Variants in FAM107B observed in about 807,000 individuals in gnomAD.
FAM107B encodes protein FAM107B.
In FAM107B, 21 loss-of-function variants were observed where a neutral mutation model predicts 31.5. The observed-to-expected ratio is 0.67, with a 90% CI of 0.47 to 0.96. FAM107B has a LOEUF of 0.96. FAM107B is among the 40% of genes least tolerant of loss of function. The probability of loss-of-function intolerance (pLI) is 0.00; values close to 1 mark genes in which losing one functional copy is unlikely to be tolerated. For synonymous variants in FAM107B, 157 were observed against 141.5 expected (o/e 1.11, Z -0.78); for missense variants, 452 against 377.1 (o/e 1.20, Z -1.64).
chr10:14,765,743 G>C (rs572573602), intron 1 of FAM107B, among the ~76,000 whole-genome samples: 1 of 152,242 alleles, frequency 6.6e-6, no homozygotes, highest in East Asian at 1.9e-4. Flanking sequence ...GTTTAACAGA[G>C]ACCTTCACTA....
intron 2 of FAM107B, among the ~76,000 whole-genome samples, chr10:14,666,349 G>A (rs1854403121): frequency 6.6e-6 from 1 of 152,176 alleles, no homozygotes; most frequent in African/African-American, 2.4e-5. Flanking sequence ...CAGTAGCAAG[G>A]AGAAGTGCAG....
At chr10:14,537,940 G>C (rs1381003059) in intron 2 of FAM107B, among the ~76,000 whole-genome samples, 1 of 151,870 alleles carries the variant, frequency 6.6e-6, no homozygotes, top group Non-Finnish European at 1.5e-5. Flanking sequence ...CAACGAATAA[G>C]AATAAATTAG....
intron 1 of FAM107B, among the ~76,000 whole-genome samples, chr10:14,724,662 A>G (rs903706940): frequency 2.0e-5 from 3 of 152,070 alleles, no homozygotes; most frequent in African/African-American, 7.2e-5. Context: ...TAGGATGAGA[A>G]GCTTAGACCA....
At chr10:14,582,379 T>TTC (rs1851665122) in intron 2 of FAM107B, among the ~76,000 whole-genome samples, 1 of 141,160 alleles carries the variant, frequency 7.1e-6, no homozygotes, top group South Asian at 2.3e-4. Context: ...TCTTTTCTTT[T>TTC]TTTTTTTTTT....
At chr10:14,632,565 T>G (rs1186586303) in intron 2 of FAM107B, among the ~76,000 whole-genome samples, 2 of 145,780 alleles carry the variant, frequency 1.4e-5, no homozygotes, top group East Asian at 2.0e-4. Flanking sequence ...GAGCCGAGAT[T>G]GCGCCACTGC....
At chr10:14,627,200 A>G (rs1853187783) in intron 2 of FAM107B, among the ~76,000 whole-genome samples, 1 of 152,256 alleles carries the variant, frequency 6.6e-6, no homozygotes, top group Non-Finnish European at 1.5e-5. Context: ...AAGATTAAAA[A>G]GGAAAATTTC....
chr10:14,666,604 T>C (rs1854409776), intron 2 of FAM107B, among the ~76,000 whole-genome samples: 2 of 152,132 alleles, frequency 1.3e-5, no homozygotes, highest in Admixed American at 1.3e-4. Context: ...TGAAGAGTGA[T>C]TTGGAAGAAT....
chr10:14,705,700 C>G (rs1337964398), intron 1 of FAM107B, among the ~76,000 whole-genome samples: 1 of 151,854 alleles, frequency 6.6e-6, no homozygotes, highest in Non-Finnish European at 1.5e-5. Context: ...TGATGGTTGC[C>G]AAGGGCTAGG....
At chr10:14,656,629 A>C (rs1854064093) in intron 2 of FAM107B, among the ~76,000 whole-genome samples, 1 of 152,238 alleles carries the variant, frequency 6.6e-6, no homozygotes, top group African/African-American at 2.4e-5. Flanking sequence ...CAAACAGTTA[A>C]AGATCATCAC....
intron 1 of FAM107B, among the ~76,000 whole-genome samples, chr10:14,747,236 A>G (rs960901892): frequency 5.3e-5 from 8 of 152,270 alleles, no homozygotes; most frequent in Admixed American, 3.3e-4. Flanking sequence ...TTGGGTTAGA[A>G]CATGCTCCTT....
chr10:14,715,426 A>C (rs1000245106), intron 1 of FAM107B, among the ~76,000 whole-genome samples: 1 of 152,226 alleles, frequency 6.6e-6, no homozygotes, highest in African/African-American at 2.4e-5. Context: ...TCAACTTAAG[A>C]GTTTGTATTA....
chr10:14,734,311 G>A (rs1856242870), intron 1 of FAM107B, among the ~76,000 whole-genome samples: 1 of 152,096 alleles, frequency 6.6e-6, no homozygotes, highest in Admixed American at 6.5e-5. Context: ...ACCAACTGCA[G>A]CCCAATTATA....
intron 1 of FAM107B, among the ~76,000 whole-genome samples, chr10:14,722,093 T>C (rs1342967631): frequency 1.3e-5 from 2 of 152,224 alleles, no homozygotes; most frequent in Non-Finnish European, 2.9e-5. Context: ...AATTCAGTGA[T>C]TTGTTAGTGT....
At chr10:14,656,089 T>C (rs1391257411) in intron 2 of FAM107B, among the ~76,000 whole-genome samples, 1 of 152,182 alleles carries the variant, frequency 6.6e-6, no homozygotes, top group Non-Finnish European at 1.5e-5. Context: ...TCATCTTCCA[T>C]AAAGCGCTGT....
intron 1 of FAM107B, among the ~76,000 whole-genome samples, chr10:14,706,385 G>GC (rs1855520487): frequency 6.6e-6 from 1 of 151,778 alleles, no homozygotes; most frequent in Non-Finnish European, 1.5e-5. Flanking sequence ...ACACCACCAT[G>GC]CCTGGCTAAT....
intron 2 of FAM107B, among the ~76,000 whole-genome samples, chr10:14,647,640 C>T (rs1341316178): frequency 1.4e-5 from 2 of 147,432 alleles, no homozygotes; most frequent in African/African-American, 5.0e-5. Flanking sequence ...GAGCCAAGAT[C>T]GTGCCATTGC....
At chr10:14,593,521 TA>T (rs1342681226) in intron 2 of FAM107B, among the ~76,000 whole-genome samples, 1 of 151,878 alleles carries the variant, frequency 6.6e-6, no homozygotes, top group Non-Finnish European at 1.5e-5. Context: ...CTAATAAAAA[TA>T]AAAATTAACA....
At chr10:14,755,046 T>C (rs906383687) in intron 1 of FAM107B, among the ~76,000 whole-genome samples, 1 of 152,188 alleles carries the variant, frequency 6.6e-6, no homozygotes, top group African/African-American at 2.4e-5. Flanking sequence ...CAGTTTAATT[T>C]ACCTGACAAT....
rs367733915 is a variant in FAM107B, at chr10:14,656,330, G to T, written c.469+11304C>A. 7.2e-5 allele frequency among the ~76,000 whole-genome samples: 11 copies of T among 152,274 alleles called. No individual in the cohort carries two copies. The South Asian group carries it at 2.3e-3, about 32-fold the overall frequency. On this transcript the variant is annotated intron_variant, in intron 2 of 4. Coordinates refer to ENST00000181796, the MANE Select transcript of FAM107B (RefSeq NM_031453.4). ...GGCCAAAATTTCACTTCATTTGAAG[G>T]TTTTCAGGAAAACATGGGTAAATTG...
Sources: allele counts gnomAD v4.1 joint callset (sites outside exome capture counted in the v4.1 genomes callset), GRCh38; gene constraint gnomAD v4.1.1; transcripts MANE v1.5; gene names NCBI Gene and HGNC (gene_info 2026-07-23, HGNC 2026-07-21).